The following MPPE1 variants were observed in gnomAD, a reference collection of about 807,000 sequenced individuals.
The protein encoded by MPPE1 is metallo phosphoesterase.
Under a neutral mutation model 43.8 loss-of-function variants are expected in MPPE1, and 28 were observed. That is an observed-to-expected ratio of 0.64 (90% confidence interval 0.47 to 0.88). MPPE1 has a LOEUF of 0.88. Ranked by LOEUF, MPPE1 falls within the 40% of genes least tolerant of loss-of-function variation. MPPE1 has a pLI of 0.00. For missense variants in MPPE1, 428 were observed against 492.2 expected, an observed-to-expected ratio of 0.87 and a Z score of 1.23; for synonymous variants, 159 against 188.5, an observed-to-expected ratio of 0.84 and a Z score of 1.28.
chr18:11,904,223 A>G (rs1009818354), intron 2 of MPPE1, among the ~76,000 whole-genome samples: 1 of 152,208 alleles, frequency 6.6e-6, no homozygotes, highest in East Asian at 1.9e-4. Flanking sequence ...AAAGAGAGCA[A>G]GCAAGCTGGC....
At chr18:11,904,315 A>ATT (rs762811699) in intron 2 of MPPE1, among the ~76,000 whole-genome samples, 1 of 86,718 alleles carries the variant, frequency 1.2e-5, no homozygotes, top group African/African-American at 1.1e-4. Context: ...TTTTTTATTT[A>ATT]TTTATTTATT....
chr18:11,906,854 C>A (rs368187811), intron 1 of MPPE1, among the ~76,000 whole-genome samples: 565 of 114,428 alleles, frequency 4.9e-3, no homozygotes, highest in Non-Finnish European at 5.2e-3. Context: ...AACTCCGTCT[C>A]AAAAAAAAAA....
In MPPE1 at chr18:11,884,274, G is replaced by T. The variant is rs559922914; in HGVS notation, c.*171C>A. On this transcript the variant is annotated 3_prime_UTR_variant, in exon 11 of 11. Coordinates refer to ENST00000588072, the MANE Select transcript of MPPE1 (RefSeq NM_023075.6). ...GTACCTGTCCACTTTTATAGCATGA[G>T]AACAGTACAATCAACTATTTATTTT... The T allele has an allele frequency of 1.4e-5, 9 of 646,634 alleles. No individual in the cohort carries two copies. In the South Asian group the frequency reaches 1.5e-4, roughly 11 times the overall value. 40.1% of individuals were successfully genotyped at this position (646,634 alleles called of 1,614,324 possible). A position where few individuals can be genotyped will look rare whatever the true frequency, so the allele number is the denominator to read the frequency against.
At chr18:11,905,216 A>C (rs531533162) in intron 2 of MPPE1, 2 of 152,246 alleles carry the variant, frequency 1.3e-5, no homozygotes, top group East Asian at 3.9e-4. Flanking sequence ...CTGAGGCAGG[A>C]AAATCAGTTG....
At chr18:11,888,809 A>G (rs1248919327) in intron 5 of MPPE1, 66 bp from the exon 6 acceptor site, 2 of 854,644 alleles carry the variant, frequency 2.3e-6, no homozygotes. Context: ...TAGAGTCATC[A>G]TGAACACAAA....
intron 6 of MPPE1, among the ~76,000 whole-genome samples, 163 bp downstream of exon 6, chr18:11,888,506 T>TGG (rs2037597506): frequency 2.0e-5 from 3 of 152,114 alleles, no homozygotes; most frequent in Non-Finnish European, 4.4e-5. Context: ...TCGGCTCCCA[T>TGG]GGTGAGCACC....
rs2036726935 is a variant in MPPE1 at position 11,882,626 on chromosome 18, C to CAGTG, written c.*1815_*1818dup. 2 of 135,578 alleles carry CAGTG rather than the reference C, an allele frequency of 1.5e-5. No individual in the cohort carries two copies. Among genetic ancestry groups the CAGTG allele is most frequent in the Non-Finnish European group, 3.0e-5 (2 of 66,376 alleles). The allele number at this position is 135,578 out of a possible 1,614,324, so 8.4% of individuals were successfully genotyped here. Reference sequence around the variant, plus strand: ...TCTTGAACCTGGGAGGTGGAGATTGCAGTGAGCCGAGGTCGTGCCATCGCA... The same window carrying CAGTG: ...TCTTGAACCTGGGAGGTGGAGATTGCAGTGAGTGAGCCGAGGTCGTGCCATCGCA... On this transcript the variant is annotated 3_prime_UTR_variant, in exon 11 of 11. Transcript: ENST00000588072.
At chr18:11,890,092 G>T (rs192429940) in intron 4 of MPPE1, among the ~76,000 whole-genome samples, 1 of 150,956 alleles carries the variant, frequency 6.6e-6, no homozygotes, top group African/African-American at 2.4e-5. Flanking sequence ...ACAGGCGCCC[G>T]CCACCACGCC....
intron 2 of MPPE1, among the ~76,000 whole-genome samples, chr18:11,899,487 T>C (rs1216455711): frequency 1.3e-5 from 2 of 152,236 alleles, no homozygotes; most frequent in African/African-American, 2.4e-5. Flanking sequence ...ATCCCAAATC[T>C]TGGATGAGCT....
intron 1 of MPPE1, chr18:11,907,912 A>G (rs1279793707): frequency 6.6e-6 from 1 of 152,132 alleles, no homozygotes; most frequent in Non-Finnish European, 1.5e-5. Context: ...TTTTTCTCTA[A>G]TTCACTATCT....
chr18:11,899,504 C>T (rs913638266), intron 2 of MPPE1, among the ~76,000 whole-genome samples: 2 of 152,094 alleles, frequency 1.3e-5, no homozygotes, highest in South Asian at 4.1e-4. Flanking sequence ...AGCTTTGCAT[C>T]CTGTAAAGAA....
chr18:11,885,073 A>G (rs1252730474), intron 10 of MPPE1: 1 of 1,279,688 alleles, frequency 7.8e-7, no homozygotes, highest in Non-Finnish European at 1.0e-6. Context: ...GGTCGTCTCC[A>G]TGGGCTTTTC....
In MPPE1 at chr18:11,888,666, CACTT is replaced by C. The variant is rs764510131; in HGVS notation, c.568_569+2del. The C allele has an allele frequency of 5.7e-6, 9 of 1,577,158 alleles. No homozygotes were observed. Among genetic ancestry groups the C allele is most frequent in the Admixed American group, 3.7e-5 (2 of 53,648 alleles). Reference sequence around the variant, plus strand: ...CTTGGAAGAATTTACAAATAATACTCACTTAATGCCTTTCCAAGAAAACAGTCTT... The same window carrying C: ...CTTGGAAGAATTTACAAATAATACTCAATGCCTTTCCAAGAAAACAGTCTT... On this transcript the variant is annotated splice_donor_variant and coding_sequence_variant, in exon 6 of 11. Coordinates refer to ENST00000588072, the MANE Select transcript of MPPE1 (RefSeq NM_023075.6). LOFTEE classifies it high-confidence loss of function.
At position 11,883,354 on chromosome 18, in the gene MPPE1, G is replaced by GGAA. The variant is rs1183992424; in HGVS notation, c.*1088_*1090dup. ...AAAAGCTGCACCCCCAGCAAGAAAG[G>GGAA]GAAGTATGCTGTTGTATGCATCATT... On this transcript the variant is annotated 3_prime_UTR_variant, in exon 11 of 11. Coordinates refer to ENST00000588072, the MANE Select transcript of MPPE1 (RefSeq NM_023075.6). 3 of 153,032 alleles carry GGAA rather than the reference G, an allele frequency of 2.0e-5. No individual in the cohort carries two copies. Among genetic ancestry groups the GGAA allele is most frequent in the African/African-American group, 7.2e-5 (3 of 41,382 alleles). 9.5% of individuals were successfully genotyped at this position (153,032 alleles called of 1,614,324 possible). A position where few individuals can be genotyped will look rare whatever the true frequency, so the allele number is the denominator to read the frequency against.
chr18:11,886,872 C>A lies in MPPE1; in HGVS notation c.678+45G>T. Reference sequence around the variant, plus strand: ...GGCTGAGTGAGCAACCGAAGCGGAGCAACACGGGACAGAAGGCACCTGTGG... The same window carrying A: ...GGCTGAGTGAGCAACCGAAGCGGAGAAACACGGGACAGAAGGCACCTGTGG... On this transcript the variant is annotated intron_variant, in intron 7 of 10. Coordinates refer to ENST00000588072, the MANE Select transcript of MPPE1 (RefSeq NM_023075.6). This position sits in a 1 kb window ranked among gnomAD's most constrained non-coding sequence, Gnocchi z 4.1. The A allele has an allele frequency of 1.3e-6, 2 of 1,595,590 alleles. No individual in the cohort carries two copies. The highest frequency in any genetic ancestry group is 1.3e-5 in the African/African-American group (1 of 74,608).
At chr18:11,899,434 A>C (rs972916001) in intron 2 of MPPE1, among the ~76,000 whole-genome samples, 1 of 152,232 alleles carries the variant, frequency 6.6e-6, no homozygotes, top group Non-Finnish European at 1.5e-5. Flanking sequence ...CTATTTATGT[A>C]TAGTGGCTTC....
In MPPE1 at chr18:11,884,603, T is replaced by C; in HGVS notation, c.1033A>G (p.Thr345Ala). ...IMGSITPTDY[T>A]LSKCYLPRED... ...CGTGGGAGGTAGCACTTGGAGAGGG[T>C]GTAGTCTGTGGGCGTGATGCTACCC... Residue 345 changes from threonine to alanine, a missense_variant, in exon 11 of 11, where the codon ACC (threonine) becomes GCC (alanine). Coordinates refer to ENST00000588072, the MANE Select transcript of MPPE1 (RefSeq NM_023075.6). The C allele has an allele frequency of 1.2e-6, 2 of 1,613,586 alleles. No individual in the cohort carries two copies. Among genetic ancestry groups the C allele is most frequent in the Non-Finnish European group, 1.7e-6 (2 of 1,179,970 alleles).
chr18:11,884,114 C>T lies in MPPE1; in HGVS notation c.*331G>A. 4.1e-6 allele frequency: 1 copy of T among 244,254 alleles called. No individual in the cohort carries two copies. Among genetic ancestry groups the T allele is most frequent in the Non-Finnish European group, 8.1e-6 (1 of 123,510 alleles). The allele number at this position is 244,254 out of a possible 1,614,324, so 15.1% of individuals were successfully genotyped here. ...CATAATCCCAAGTGTGTGCTGGGGC[C>T]ACCAGGCCCTTCCTGGGGGAACAAG... On this transcript the variant is annotated 3_prime_UTR_variant, in exon 11 of 11. Coordinates refer to ENST00000588072, the MANE Select transcript of MPPE1 (RefSeq NM_023075.6).
At chr18:11,885,591 C>T in intron 10 of MPPE1, 85 bp downstream of exon 10, 1 of 1,485,142 alleles carries the variant, frequency 6.7e-7, no homozygotes, top group East Asian at 2.3e-5. Context: ...TAAATTTTGA[C>T]CGATTGCAGC....
Sources: allele counts gnomAD v4.1 joint callset (sites outside exome capture counted in the v4.1 genomes callset), GRCh38; gene constraint gnomAD v4.1.1; non-coding constraint Gnocchi (gnomAD v3.1); transcripts MANE v1.5; gene names NCBI Gene and HGNC (gene_info 2026-07-23, HGNC 2026-07-21).